The following RASSF3 variants were observed in gnomAD, a reference collection of about 807,000 sequenced individuals.
RASSF3 encodes ras association domain-containing protein 3.
Under a neutral mutation model 19.9 loss-of-function variants are expected in RASSF3, and 19 were observed. That is an observed-to-expected ratio of 0.96 (90% CI 0.67 to 1.40). The LOEUF (loss-of-function observed/expected upper bound fraction) is 1.40. Ranked by LOEUF, RASSF3 falls within the 40% of genes most tolerant of loss-of-function variation. The pLI is 0.00. For missense variants in RASSF3, 306 were observed against 289.8 expected (o/e 1.06, Z -0.41); for synonymous variants, 110 against 104.2 (o/e 1.06, Z -0.34).
intron 2 of RASSF3, among the ~76,000 whole-genome samples, chr12:64,583,090 C>G (rs552924386): frequency 6.6e-6 from 1 of 152,104 alleles, no homozygotes; most frequent in East Asian, 1.9e-4. Context: ...TCCTCTACCC[C>G]ACCTCCGCCC....
At chr12:64,685,129 T>C (rs903213269) in intron 2 of RASSF3, among the ~76,000 whole-genome samples, 1 of 152,224 alleles carries the variant, frequency 6.6e-6, no homozygotes, top group African/African-American at 2.4e-5. Flanking sequence ...GAAACACTTA[T>C]AATTTTATTT....
chr12:64,622,579 A>T (rs780547012), intron 1 of RASSF3: 3 of 496,512 alleles, frequency 6.0e-6, no homozygotes, highest in Non-Finnish European at 1.2e-5. Context: ...CAAAAATCTC[A>T]ATTACTTTTG....
downstream of RASSF3, among the ~76,000 whole-genome samples, chr12:64,541,959 CT>C (rs1313978906): frequency 6.6e-6 from 1 of 152,106 alleles, no homozygotes; most frequent in Non-Finnish European, 1.5e-5. Context: ...AGATATGAGG[CT>C]TTCATCTGCT....
At chr12:64,556,404 C>T (rs1364182918) in intron 2 of RASSF3, among the ~76,000 whole-genome samples, 2 of 152,100 alleles carry the variant, frequency 1.3e-5, no homozygotes, top group Non-Finnish European at 2.9e-5. Context: ...GAGATCCTCC[C>T]ACCTTGGCCT....
At chr12:64,685,112 A>G (rs1210884284) in intron 2 of RASSF3, among the ~76,000 whole-genome samples, 1 of 152,236 alleles carries the variant, frequency 6.6e-6, no homozygotes, top group African/African-American at 2.4e-5. Flanking sequence ...GTTAACCTTA[A>G]AAAAGTGAAA....
intron 1 of RASSF3, among the ~76,000 whole-genome samples, chr12:64,652,649 C>G (rs1443777225): frequency 6.6e-6 from 1 of 152,156 alleles, no homozygotes; most frequent in African/African-American, 2.4e-5. Context: ...GATTCTTGCT[C>G]TTAATTCAGT....
At chr12:64,640,110 A>G (rs758758968) in intron 1 of RASSF3, among the ~76,000 whole-genome samples, 2 of 152,198 alleles carry the variant, frequency 1.3e-5, no homozygotes, top group Admixed American at 6.5e-5. Flanking sequence ...TTTTCTCCCC[A>G]GTGGACCATG....
At chr12:64,553,254 G>T (rs1430163389) in intron 2 of RASSF3, among the ~76,000 whole-genome samples, 2 of 152,108 alleles carry the variant, frequency 1.3e-5, no homozygotes, top group African/African-American at 2.4e-5. Flanking sequence ...ATTATTAGAA[G>T]TCCAGTTCAA....
At chr12:64,679,886 G>T (rs1347165911) in intron 1 of RASSF3, among the ~76,000 whole-genome samples, 1 of 152,200 alleles carries the variant, frequency 6.6e-6, no homozygotes, top group Non-Finnish European at 1.5e-5. Context: ...CTCACTGGCT[G>T]CCAAGAACAA....
At chr12:64,512,855 G>T (rs1417055915) in intron 1 of RASSF3, among the ~76,000 whole-genome samples, 3 of 152,118 alleles carry the variant, frequency 2.0e-5, no homozygotes, top group African/African-American at 7.2e-5. Flanking sequence ...CCTCAATAAA[G>T]TTATATCAGA....
rs115336172 is a variant in RASSF3, at chr12:64,557,178, C to T, written c.294+15473C>T. 1.3e-3 allele frequency among the ~76,000 whole-genome samples: 196 copies of T among 152,190 alleles called. 1 individual carries two copies. The highest frequency in any genetic ancestry group is 4.5e-3 in the African/African-American group (187 of 41,548). ...AATTCCCTTAACCTTAGGCTCTCACCTTGGCAGTTCTCAGTGCTTACCTTG... is the reference window on the plus strand; with the variant it reads ...AATTCCCTTAACCTTAGGCTCTCACTTTGGCAGTTCTCAGTGCTTACCTTG... On this transcript the variant is annotated intron_variant, in intron 2 of 5. Transcript: ENST00000637125.
intron 1 of RASSF3, among the ~76,000 whole-genome samples, chr12:64,670,028 A>AT (rs1165904870): frequency 6.9e-6 from 1 of 144,628 alleles, no homozygotes; most frequent in African/African-American, 2.7e-5. Flanking sequence ...TGGCAGTATC[A>AT]GTTTTTTTTT....
chr12:64,508,905 CA>C (rs1271246355), intron 1 of RASSF3, among the ~76,000 whole-genome samples: 1 of 150,874 alleles, frequency 6.6e-6, no homozygotes, highest in African/African-American at 2.4e-5. Flanking sequence ...AAAACAAAAA[CA>C]AAAACAAAAC....
intron 1 of RASSF3, among the ~76,000 whole-genome samples, chr12:64,625,550 G>A (rs1372940307): frequency 6.6e-6 from 1 of 151,708 alleles, no homozygotes; most frequent in Non-Finnish European, 1.5e-5. Flanking sequence ...GACAAATTCC[G>A]CTTCTTCCTG....
chr12:64,616,432 C>T (rs1870553601), intron 1 of RASSF3, among the ~76,000 whole-genome samples: 1 of 152,168 alleles, frequency 6.6e-6, no homozygotes, highest in Admixed American at 6.5e-5. Context: ...CAAATACTTT[C>T]TAGTGTGGCC....
intron 1 of RASSF3, among the ~76,000 whole-genome samples, chr12:64,626,120 T>G (rs17223244): frequency 0.11 from 16,668 of 152,232 alleles, 1,061 homozygotes; most frequent in East Asian, 0.29. Context: ...CCTTTAAAAT[T>G]TTTAATTGGC....
At chr12:64,605,816 A>G (rs1870180782), upstream of RASSF3, among the ~76,000 whole-genome samples, 1 of 135,536 alleles carries the variant, frequency 7.4e-6, no homozygotes, top group African/African-American at 2.8e-5. Context: ...TGAACCCGGG[A>G]GGTGGAGGTT....
chr12:64,606,522 C>T (rs929784900), upstream of RASSF3, among the ~76,000 whole-genome samples: 4 of 152,080 alleles, frequency 2.6e-5, no homozygotes, highest in African/African-American at 9.7e-5. Flanking sequence ...TGCTGATGAA[C>T]CTGAGGCATA....
At chr12:64,656,359 AAT>A (rs1872158617) in intron 1 of RASSF3, among the ~76,000 whole-genome samples, 1 of 152,148 alleles carries the variant, frequency 6.6e-6, no homozygotes, top group Non-Finnish European at 1.5e-5. Context: ...GGTTGATGAA[AAT>A]AGAGATGGTT....
Sources: allele counts gnomAD v4.1 joint callset (sites outside exome capture counted in the v4.1 genomes callset), GRCh38; gene constraint gnomAD v4.1.1; transcripts MANE v1.5; gene names NCBI Gene and HGNC (gene_info 2026-07-23, HGNC 2026-07-21).